The following PTPRT variants were observed in gnomAD, a reference collection of about 807,000 sequenced individuals.
PTPRT encodes receptor-type tyrosine-protein phosphatase T.
PTPRT carries 56 observed loss-of-function variants against 176.8 expected under a neutral mutation model. The ratio of observed to expected loss-of-function variants is 0.32; its 90% CI spans 0.26 to 0.40. The LOEUF is 0.40. PTPRT is among the 10% of genes least tolerant of loss of function. The pLI is 1.00. For missense variants in PTPRT, 1,540 were observed against 1,908.2 expected (o/e 0.81, Z 3.60); for synonymous variants, 783 against 739.0 (o/e 1.06, Z -0.96).
At chr20:42,255,001 C>T (rs964524328) in intron 13 of PTPRT, among the ~76,000 whole-genome samples, 1 of 152,100 alleles carries the variant, frequency 6.6e-6, no homozygotes, top group South Asian at 2.1e-4. Flanking sequence ...CCATTCCCAC[C>T]CCCTCACCCT....
chr20:42,367,265 T>C (rs1436216094), intron 9 of PTPRT, among the ~76,000 whole-genome samples: 1 of 152,190 alleles, frequency 6.6e-6, no homozygotes, highest in Non-Finnish European at 1.5e-5. Context: ...TGTCCATGTG[T>C]ATAAGAGAGC....
intron 12 of PTPRT, among the ~76,000 whole-genome samples, chr20:42,305,140 G>A (rs566002975): frequency 6.6e-6 from 1 of 152,102 alleles, no homozygotes; most frequent in Non-Finnish European, 1.5e-5. Flanking sequence ...ATTGCTTGAG[G>A]TCAGCAGTTC....
chr20:42,095,639 T>C (rs1985130495), intron 27 of PTPRT, among the ~76,000 whole-genome samples: 1 of 152,270 alleles, frequency 6.6e-6, no homozygotes, highest in African/African-American at 2.4e-5. Flanking sequence ...TGTTTGCCTT[T>C]TTCCAAACAC....
intron 15 of PTPRT, among the ~76,000 whole-genome samples, chr20:42,215,090 G>T (rs1032636433): frequency 1.3e-5 from 2 of 152,206 alleles, no homozygotes; most frequent in South Asian, 2.1e-4. Flanking sequence ...TTACATAATA[G>T]GTGATAAGAA....
chr20:42,350,442 C>T (rs980285188), intron 11 of PTPRT, among the ~76,000 whole-genome samples, 186 bp downstream of exon 11: 7 of 151,990 alleles, frequency 4.6e-5, no homozygotes, highest in Non-Finnish European at 1.5e-5. Context: ...CCTATGTCAC[C>T]CAGGTTTGCC....
chr20:42,514,956 G>A (rs913770429), intron 7 of PTPRT, among the ~76,000 whole-genome samples: 9 of 152,052 alleles, frequency 5.9e-5, no homozygotes, highest in African/African-American at 2.2e-4. Flanking sequence ...CCTCATTACC[G>A]GGAGGGCAGC....
chr20:42,765,298 G>A (rs1318077811), intron 5 of PTPRT, among the ~76,000 whole-genome samples: 2 of 152,272 alleles, frequency 1.3e-5, no homozygotes, highest in East Asian at 1.9e-4. Context: ...GTAATTCAAG[G>A]AAAGAGCCCC....
chr20:42,759,502 T>G (rs1422229542), intron 5 of PTPRT, among the ~76,000 whole-genome samples: 1 of 152,078 alleles, frequency 6.6e-6, no homozygotes, highest in South Asian at 2.1e-4. Context: ...AGAAATCAGG[T>G]AGCATAAAAA....
chr20:42,858,158 G>A (rs1007716184), intron 2 of PTPRT, among the ~76,000 whole-genome samples: 4 of 152,194 alleles, frequency 2.6e-5, no homozygotes, highest in Non-Finnish European at 5.9e-5. Context: ...GGGGCAGACT[G>A]AGATTTACCT....
intron 1 of PTPRT, among the ~76,000 whole-genome samples, chr20:43,120,141 C>T (rs1373757676): frequency 6.6e-6 from 1 of 152,148 alleles, no homozygotes; most frequent in Non-Finnish European, 1.5e-5. Flanking sequence ...GTAGTAACCA[C>T]ACTTTCAACA....
chr20:42,512,705 C>T (rs79831843), intron 7 of PTPRT, among the ~76,000 whole-genome samples: 1,672 of 152,260 alleles, frequency 0.011, 37 homozygotes, highest in African/African-American at 0.039. Flanking sequence ...TAAATGTTTT[C>T]AAGCTGACTG....
At chr20:43,038,894 A>T (rs1986493413) in intron 1 of PTPRT, among the ~76,000 whole-genome samples, 1 of 152,218 alleles carries the variant, frequency 6.6e-6, no homozygotes, top group Admixed American at 6.5e-5. Context: ...AGACCTAAAA[A>T]AAGAAAACTC....
At chr20:42,934,235 A>C (rs547950499) in intron 1 of PTPRT, among the ~76,000 whole-genome samples, 20 of 152,332 alleles carry the variant, frequency 1.3e-4, no homozygotes, top group African/African-American at 4.3e-4. Context: ...CAAACGAGAG[A>C]CAGAGAAAGA....
rs115290418 is a variant in PTPRT at position 42,945,969 on chromosome 20, A to G, written c.89-60037T>C. Among the ~76,000 whole-genome samples, 522 of 152,258 alleles carry G rather than the reference A, an allele frequency of 3.4e-3. 1 individual carries two copies. The highest frequency in any genetic ancestry group is 0.012 in the African/African-American group (493 of 41,552). ...ACATTTCCAGAATCATATCATATAC[A>G]TGGAATCATACAATACGCAACCTTC... On this transcript the variant is annotated intron_variant, in intron 1 of 30. Transcript: ENST00000373187.
At chr20:42,670,388 C>A (rs2075392531) in intron 7 of PTPRT, among the ~76,000 whole-genome samples, 1 of 152,118 alleles carries the variant, frequency 6.6e-6, no homozygotes, top group African/African-American at 2.4e-5. Flanking sequence ...AGCAAGTGCC[C>A]AGCTTGAAAT....
chr20:42,975,768 G>A (rs1169087076), intron 1 of PTPRT, among the ~76,000 whole-genome samples: 1 of 152,050 alleles, frequency 6.6e-6, no homozygotes, highest in Non-Finnish European at 1.5e-5. Context: ...AAATCCCAAG[G>A]CAATCAGCAA....
intron 6 of PTPRT, among the ~76,000 whole-genome samples, chr20:42,720,869 C>A (rs899475348): frequency 6.6e-6 from 1 of 152,164 alleles, no homozygotes; most frequent in African/African-American, 2.4e-5. Flanking sequence ...AGTTGGGGTC[C>A]AGTAACCTTG....
intron 6 of PTPRT, among the ~76,000 whole-genome samples, chr20:42,689,109 G>A (rs745425640): frequency 9.2e-5 from 14 of 152,156 alleles, no homozygotes; most frequent in Non-Finnish European, 1.8e-4. Context: ...GACCCACAGA[G>A]CTAAGTCAGC....
intron 14 of PTPRT, among the ~76,000 whole-genome samples, chr20:42,246,953 CAA>C (rs1263232064): frequency 4.6e-5 from 7 of 152,142 alleles, no homozygotes; most frequent in Non-Finnish European, 8.8e-5. Context: ...CCAGAGAAAT[CAA>C]AAGTCATATA....
Sources: gnomAD v4.1 joint callset for allele counts (sites outside exome capture counted in the v4.1 genomes callset) on GRCh38, gnomAD v4.1.1 for gene constraint, MANE v1.5 for transcripts, NCBI Gene and HGNC (gene_info 2026-07-23, HGNC 2026-07-21) for gene names.